Variants in PATJ observed in about 807,000 individuals in gnomAD.
PATJ encodes PATJ crumbs cell polarity complex component, also known as inaD-like protein.
Under a neutral mutation model 224.9 loss-of-function variants are expected in PATJ, and 190 were observed. The observed-to-expected ratio is 0.84, with a 90% CI of 0.75 to 0.95. The LOEUF is 0.95. PATJ is among the 40% of genes least tolerant of loss of function. The pLI is 0.00. For missense variants in PATJ, 2,121 were observed against 2,270.3 expected (o/e 0.93, Z 1.34); for synonymous variants, 769 against 820.3 (o/e 0.94, Z 1.07).
intron 14 of PATJ, 92 bp downstream of exon 14, chr1:61,808,622 C>A: frequency 1.4e-6 from 1 of 739,148 alleles, no homozygotes; most frequent in Non-Finnish European, 2.3e-6. Flanking sequence ...AACTCATAGG[C>A]TAAAGTGATC....
intron 27 of PATJ, among the ~76,000 whole-genome samples, chr1:61,949,215 TA>T (rs766673205): frequency 2.1e-4 from 31 of 145,412 alleles, no homozygotes; most frequent in African/African-American, 5.6e-4. Flanking sequence ...AGTATAATAA[TA>T]AAAAAAAAGA....
chr1:61,767,500 C>T (rs1646348828), intron 4 of PATJ, among the ~76,000 whole-genome samples: 1 of 152,082 alleles, frequency 6.6e-6, no homozygotes, highest in African/African-American at 2.4e-5. Flanking sequence ...GATCGTACCA[C>T]TGTACTTCAG....
At chr1:62,103,426 T>C (rs749606880) in intron 33 of PATJ, among the ~76,000 whole-genome samples, 2 of 152,158 alleles carry the variant, frequency 1.3e-5, no homozygotes, top group Non-Finnish European at 2.9e-5. Flanking sequence ...GGCACATAGA[T>C]GTAAAATAAA....
intron 27 of PATJ, among the ~76,000 whole-genome samples, chr1:61,964,610 G>A (rs1681807072): frequency 6.6e-6 from 1 of 151,578 alleles, no homozygotes; most frequent in South Asian, 2.1e-4. Context: ...GCAACATGGT[G>A]AAACCCCATC....
At chr1:61,921,909 G>A (rs564359366) in intron 26 of PATJ, among the ~76,000 whole-genome samples, 4 of 152,188 alleles carry the variant, frequency 2.6e-5, no homozygotes, top group African/African-American at 7.2e-5. Context: ...GTGCAGTTTT[G>A]TACATGTCAA....
At chr1:62,083,019 C>T (rs1231475902) in intron 32 of PATJ, among the ~76,000 whole-genome samples, 2 of 152,296 alleles carry the variant, frequency 1.3e-5, no homozygotes, top group Middle Eastern at 3.4e-3. Flanking sequence ...GAAAATATGA[C>T]ATTCTCTGGA....
intron 1 of PATJ, among the ~76,000 whole-genome samples, chr1:61,758,928 AGAAAATGCCTGT>A (rs1255652380): frequency 6.6e-6 from 1 of 152,200 alleles, no homozygotes; most frequent in Admixed American, 6.5e-5. Context: ...TTACACAAAT[AGAAAATGCCTGT>A]GATTTTCTCC....
chr1:61,925,562 G>A (rs2365734), intron 26 of PATJ, among the ~76,000 whole-genome samples: 22,823 of 152,126 alleles, frequency 0.15, 2,211 homozygotes, highest in Non-Finnish European at 0.21. Flanking sequence ...AACTGTGGGT[G>A]CCAAAAAATC....
In PATJ at chr1:62,144,777, A is replaced by ATATATATATATAT. The variant is rs1553280094; in HGVS notation, c.5272-3507_5272-3506insTATATATATATAT. ...TAGAATGTTATTTGCAAAAAAAAAA[A>ATATATATATATAT]ATATATATATATATATATAATTAGC... On this transcript the variant is annotated intron_variant, in intron 41 of 43. Coordinates refer to ENST00000642238, the MANE Select transcript of PATJ (RefSeq NM_001350145.3). Among the ~76,000 whole-genome samples the ATATATATATATAT allele has an allele frequency of 5.3e-4, 63 of 119,096 alleles. 1 individual carries two copies. Among genetic ancestry groups the ATATATATATATAT allele is most frequent in the East Asian group, 2.5e-3 (7 of 2,848 alleles). The allele number at this position is 119,096 out of a possible 152,430, so 78.1% of individuals were successfully genotyped here.
intron 38 of PATJ, among the ~76,000 whole-genome samples, chr1:62,122,366 A>G (rs1381247252): frequency 6.9e-6 from 1 of 144,980 alleles, no homozygotes; most frequent in Non-Finnish European, 1.5e-5. Flanking sequence ...CTCCATCTAA[A>G]AAAAAAAAAA....
intron 6 of PATJ, among the ~76,000 whole-genome samples, chr1:61,774,356 G>T (rs970157040): frequency 1.3e-5 from 2 of 152,108 alleles, no homozygotes; most frequent in African/African-American, 4.8e-5. Context: ...GGAGGATATT[G>T]TTCTGCAGGT....
At chr1:62,024,015 G>A (rs59354521) in intron 29 of PATJ, among the ~76,000 whole-genome samples, 21,623 of 152,154 alleles carry the variant, frequency 0.14, 1,672 homozygotes, top group Middle Eastern at 0.24. Context: ...TGATTTGTGT[G>A]TGTTGAACCA....
chr1:61,920,702 C>CTTTTT (rs71582652), intron 26 of PATJ, among the ~76,000 whole-genome samples: 19 of 89,494 alleles, frequency 2.1e-4, no homozygotes, highest in African/African-American at 3.5e-4. Context: ...GTATGGAATT[C>CTTTTT]TTTTTTTTTT....
At chr1:61,816,041 C>A (rs1345343031) in intron 14 of PATJ, among the ~76,000 whole-genome samples, 2 of 152,148 alleles carry the variant, frequency 1.3e-5, no homozygotes, top group African/African-American at 4.8e-5. Flanking sequence ...ACAAAAACAC[C>A]AGGTCCTGCT....
At chr1:61,742,710 G>A (rs1644818661) in intron 1 of PATJ, among the ~76,000 whole-genome samples, 155 bp downstream of exon 1, 2 of 151,624 alleles carry the variant, frequency 1.3e-5, no homozygotes, top group South Asian at 4.1e-4. Context: ...GGTGGGAGCC[G>A]GAGGTGGAGG....
chr1:62,060,054 T>C (rs1005897236), intron 31 of PATJ, among the ~76,000 whole-genome samples: 1 of 152,204 alleles, frequency 6.6e-6, no homozygotes, highest in African/African-American at 2.4e-5. Context: ...AAGAAACATA[T>C]CTGTCACTAT....
chr1:61,798,589 A>G (rs1651828600), intron 11 of PATJ, among the ~76,000 whole-genome samples: 1 of 152,194 alleles, frequency 6.6e-6, no homozygotes, highest in African/African-American at 2.4e-5. Flanking sequence ...GAATGAGTGA[A>G]TTACTGGGTG....
At chr1:62,117,323 A>T in intron 37 of PATJ, 105 bp downstream of exon 37, 1 of 1,510,026 alleles carries the variant, frequency 6.6e-7, no homozygotes, top group Non-Finnish European at 8.9e-7. Context: ...AATGTACAGC[A>T]TATTCACAGC....
Position 61,965,121 on chromosome 1 carries a change from C to CAAAAAAAAAAAAAAAAAAAAAAAAAA in PATJ, c.3671-25032_3671-25007dup, listed in dbSNP as rs34267345. Among the ~76,000 whole-genome samples, 5 of 54,372 alleles carry CAAAAAAAAAAAAAAAAAAAAAAAAAA rather than the reference C, an allele frequency of 9.2e-5. 1 individual carries two copies. The highest frequency in any genetic ancestry group is 2.0e-4 in the African/African-American group (2 of 9,944). 35.7% of individuals were successfully genotyped at this position (54,372 alleles called of 152,430 possible). ...TGGGCCACTGAAGGAGACTCTGTCTCAAAAAAAAAAAAAAAAAAAAAAAAA... is the reference window on the plus strand; with the variant it reads ...TGGGCCACTGAAGGAGACTCTGTCTCAAAAAAAAAAAAAAAAAAAAAAAAAAAAAAAAAAAAAAAAAAAAAAAAAAA... On this transcript the variant is annotated intron_variant, in intron 27 of 43. Transcript: ENST00000642238.
Sources: allele counts gnomAD v4.1 joint callset (sites outside exome capture counted in the v4.1 genomes callset), GRCh38; gene constraint gnomAD v4.1.1; transcripts MANE v1.5; gene names NCBI Gene and HGNC (gene_info 2026-07-23, HGNC 2026-07-21).